The following EBF1 variants were observed in gnomAD, a reference collection of about 807,000 sequenced individuals.
EBF1 encodes the protein EBF transcription factor 1.
In EBF1, 10 loss-of-function variants were observed where a neutral mutation model predicts 68.4. That is an observed-to-expected ratio of 0.15 (90% CI 0.09 to 0.25). The LOEUF (loss-of-function observed/expected upper bound fraction) is 0.25, where lower values mean the gene tolerates loss of function less well. Among genes scored for constraint, EBF1 ranks in the 10% least tolerant of loss-of-function variants. The pLI is 1.00. For missense variants in EBF1, 509 were observed against 794.4 expected (o/e 0.64, Z 4.32); for synonymous variants, 298 against 299.8 (o/e 0.99, Z 0.06).
rs942741859 is a variant in EBF1, at chr5:158,698,995, T to G, written c.*116A>C. The G allele has an allele frequency of 5.2e-6, 5 of 956,076 alleles. No homozygotes were observed. The highest frequency in any genetic ancestry group is 7.6e-6 in the Non-Finnish European group (5 of 656,416). 59.2% of individuals were successfully genotyped at this position (956,076 alleles called of 1,614,324 possible). ...TTGTTTGTTTAAAAATCTGCAGTTA[T>G]TGTGATTCCTCTTAAAAAGGCCTGA... On this transcript the variant is annotated 3_prime_UTR_variant, in exon 16 of 16. Transcript: ENST00000313708.
At chr5:158,780,193 T>TA (rs1254983657) in intron 9 of EBF1, among the ~76,000 whole-genome samples, 1 of 152,214 alleles carries the variant, frequency 6.6e-6, no homozygotes, top group Non-Finnish European at 1.5e-5. Flanking sequence ...AGTTTAAAGC[T>TA]AATCTTCTTA....
intron 10 of EBF1, among the ~76,000 whole-genome samples, chr5:158,747,697 A>G (rs934031486): frequency 6.6e-6 from 1 of 152,212 alleles, no homozygotes; most frequent in Non-Finnish European, 1.5e-5. Flanking sequence ...TAAAAACAAC[A>G]TGCTGTGACT....
In EBF1 at chr5:158,967,604, G is replaced by A. The variant is rs141451616; in HGVS notation, c.554+105792C>T. ...GCTCAGAAGCCAAAGAATCAATATGGTAGGATTTCAGACAGCAGCAGGATT... is the reference window on the plus strand; with the variant it reads ...GCTCAGAAGCCAAAGAATCAATATGATAGGATTTCAGACAGCAGCAGGATT... On this transcript the variant is annotated intron_variant, in intron 6 of 15. Transcript: ENST00000313708. Among the ~76,000 whole-genome samples, 379 of 152,326 alleles carry A rather than the reference G, an allele frequency of 2.5e-3. 2 individuals carry two copies. Among genetic ancestry groups the A allele is most frequent in the African/African-American group, 8.6e-3 (356 of 41,574 alleles).
intron 6 of EBF1, among the ~76,000 whole-genome samples, chr5:158,977,329 A>C (rs1386032321): frequency 6.6e-6 from 1 of 152,230 alleles, no homozygotes; most frequent in Non-Finnish European, 1.5e-5. Flanking sequence ...AGAATACATA[A>C]TCTATGATTT....
chr5:158,981,287 T>C (rs1400862916), intron 6 of EBF1, among the ~76,000 whole-genome samples: 1 of 151,654 alleles, frequency 6.6e-6, no homozygotes, highest in Non-Finnish European at 1.5e-5. Context: ...ATTAGAAAAA[T>C]AGAAGGTTGT....
At chr5:158,782,160 C>T (rs1388575700) in intron 9 of EBF1, among the ~76,000 whole-genome samples, 3 of 152,186 alleles carry the variant, frequency 2.0e-5, no homozygotes, top group African/African-American at 4.8e-5. Context: ...CCCAATCATA[C>T]GTTCCCTCTT....
chr5:158,843,631 C>G (rs747011524), intron 6 of EBF1, among the ~76,000 whole-genome samples: 3 of 152,156 alleles, frequency 2.0e-5, no homozygotes, highest in Non-Finnish European at 4.4e-5. Context: ...CTCACACAAG[C>G]CCTTATGTGG....
chr5:158,700,419 A>T (rs1756479457), intron 15 of EBF1, among the ~76,000 whole-genome samples: 1 of 152,152 alleles, frequency 6.6e-6, no homozygotes, highest in African/African-American at 2.4e-5. Context: ...TTTTATGGCA[A>T]ATCTAAACGT....
At chr5:158,780,389 G>A (rs1275743882) in intron 9 of EBF1, among the ~76,000 whole-genome samples, 1 of 152,130 alleles carries the variant, frequency 6.6e-6, no homozygotes, top group African/African-American at 2.4e-5. Context: ...GCAACAGAAG[G>A]AGGGAGGGCT....
intron 6 of EBF1, among the ~76,000 whole-genome samples, chr5:158,973,486 C>G (rs1251235986): frequency 2.0e-5 from 3 of 152,078 alleles, no homozygotes; most frequent in African/African-American, 7.2e-5. Flanking sequence ...CACACACACA[C>G]CTGCTGCCTT....
chr5:158,700,783 G>T (rs2127459039), intron 15 of EBF1, among the ~76,000 whole-genome samples: 1 of 152,282 alleles, frequency 6.6e-6, no homozygotes, highest in South Asian at 2.1e-4. Context: ...TGTTTTGCAA[G>T]AGCCTTTTTG....
intron 6 of EBF1, among the ~76,000 whole-genome samples, chr5:158,990,389 A>G (rs1455532750): frequency 2.0e-5 from 3 of 152,234 alleles, no homozygotes; most frequent in Non-Finnish European, 4.4e-5. Flanking sequence ...CCCTAGCTGC[A>G]GTGTGGAGGA....
At chr5:158,927,332 T>C (rs1414468610) in intron 6 of EBF1, among the ~76,000 whole-genome samples, 1 of 152,232 alleles carries the variant, frequency 6.6e-6, no homozygotes, top group Non-Finnish European at 1.5e-5. Context: ...TCTTCTATCA[T>C]GAATGCAAGA....
At chr5:159,085,698 T>C (rs1780507958) in intron 4 of EBF1, among the ~76,000 whole-genome samples, 1 of 152,228 alleles carries the variant, frequency 6.6e-6, no homozygotes, top group South Asian at 2.1e-4. Flanking sequence ...CACACATTCC[T>C]ATAGCCCTCA....
At chr5:158,730,211 A>G (rs1581396043) in intron 11 of EBF1, among the ~76,000 whole-genome samples, 2 of 152,340 alleles carry the variant, frequency 1.3e-5, no homozygotes, top group African/African-American at 4.8e-5. Context: ...TGCAAGCTCA[A>G]CGAATTCTGT....
chr5:158,770,855 T>C (rs750350880), intron 10 of EBF1, among the ~76,000 whole-genome samples: 5 of 152,194 alleles, frequency 3.3e-5, no homozygotes, highest in Non-Finnish European at 5.9e-5. Context: ...TGTTTCTTTC[T>C]GGACACGTAC....
At chr5:159,059,500 A>G (rs914618705) in intron 6 of EBF1, among the ~76,000 whole-genome samples, 1 of 152,232 alleles carries the variant, frequency 6.6e-6, no homozygotes, top group African/African-American at 2.4e-5. Flanking sequence ...AATTCTCAGG[A>G]AGAACACCAC....
At chr5:158,812,064 C>T (rs532011089) in intron 8 of EBF1, among the ~76,000 whole-genome samples, 2 of 152,164 alleles carry the variant, frequency 1.3e-5, no homozygotes, top group South Asian at 2.1e-4. Context: ...TGTCTAATAT[C>T]GGCACATAAA....
chr5:158,740,278 T>A (rs1766050586), intron 10 of EBF1, among the ~76,000 whole-genome samples: 2 of 152,164 alleles, frequency 1.3e-5, no homozygotes, highest in South Asian at 2.1e-4. Context: ...AATCCTTCCC[T>A]GAGCCTTGTG....
Sources: gnomAD v4.1 joint callset for allele counts (sites outside exome capture counted in the v4.1 genomes callset) on GRCh38, gnomAD v4.1.1 for gene constraint, MANE v1.5 for transcripts, NCBI Gene and HGNC (gene_info 2026-07-23, HGNC 2026-07-21) for gene names.